Variants in C1orf74 observed in about 807,000 individuals in gnomAD.
C1orf74 encodes chromosome 1 open reading frame 74.
A neutral mutation model predicts 7.3 loss-of-function variants in C1orf74; 5 were observed. The observed-to-expected ratio is 0.68, with a 90% CI of 0.36 to 1.44. The LOEUF is 1.44. Among genes scored for constraint, C1orf74 ranks in the 40% most tolerant of loss-of-function variants. C1orf74 has a pLI of 0.04. For synonymous variants in C1orf74, 121 were observed against 132.5 expected (o/e 0.91, Z 0.59); for missense variants, 291 against 314.3 (o/e 0.93, Z 0.56).
intron 1 of C1orf74, 100 bp from the exon 2 acceptor site, chr1:209,783,809 C>A (rs1207252338): frequency 6.9e-6 from 4 of 576,368 alleles, no homozygotes; most frequent in Non-Finnish European, 6.2e-6. Context: ...GAAATGGCGA[C>A]CCAGCCCAGA....
chr1:209,782,884 C>CATTCTGAGTCCTAAATCGG lies in C1orf74; in HGVS notation c.732_750dup (p.Asp251ProfsTer3), dbSNP rs2077805878. The CATTCTGAGTCCTAAATCGG allele has an allele frequency of 2.5e-6, 4 of 1,614,118 alleles. No homozygotes were observed. The highest frequency in any genetic ancestry group is 3.4e-6 in the Non-Finnish European group (4 of 1,180,016). On this transcript the variant is annotated stop_gained and frameshift_variant, in exon 2 of 2. Coordinates refer to ENST00000294811, the MANE Select transcript of C1orf74 (RefSeq NM_152485.4). LOFTEE classifies it high-confidence loss of function. The stretch of plus-strand genomic sequence containing the variant: ...GAGGAGATGCTGAGATCAGCAAAGT[C>CATTCTGAGTCCTAAATCGG]ATTCTGAGTCCTAAATCGGGTTCTG...
In C1orf74 at chr1:209,782,248, C is replaced by T. The variant is rs967093654; in HGVS notation, c.*577G>A. On this transcript the variant is annotated 3_prime_UTR_variant, in exon 2 of 2. Coordinates refer to ENST00000294811, the MANE Select transcript of C1orf74 (RefSeq NM_152485.4). ...ATTACAGCTTGGGTTTTCCAACTGACTTAGGATTTCTGACTTTTTATTAAT... is the reference window on the plus strand; with the variant it reads ...ATTACAGCTTGGGTTTTCCAACTGATTTAGGATTTCTGACTTTTTATTAAT... 1 of 875,748 alleles carries T rather than the reference C, an allele frequency of 1.1e-6. No homozygotes were observed. Among genetic ancestry groups the T allele is most frequent in the Non-Finnish European group, 1.9e-6 (1 of 526,968 alleles). The allele number at this position is 875,748 out of a possible 1,614,324, so 54.2% of individuals were successfully genotyped here.
rs140853587 is a variant in C1orf74 at position 209,783,411 on chromosome 1, C to G, written c.224G>C (p.Gly75Ala). The G allele has an allele frequency of 4.8e-5, 77 of 1,614,026 alleles. No homozygotes were observed. The highest frequency in any genetic ancestry group is 5.9e-5 in the Non-Finnish European group (70 of 1,180,020). Residue 75 changes from glycine to alanine, a missense_variant, in exon 2 of 2, where the codon GGG becomes GCG. Physicochemically the swap from Gly to Ala is moderately conservative, Grantham distance 60. Transcript: ENST00000294811. ...ELQSYLEELK[G>A]LGFLTFGLHI... ...AAGTCCAAAAGTCAGGAAGCCAAGC[C>G]CCTTCAGCTCCTCCAGATAGCTCTG...
In C1orf74 at chr1:209,779,591, G is replaced by A. The variant is rs2077734078; in HGVS notation, c.*3234C>T. On this transcript the variant is annotated 3_prime_UTR_variant, in exon 2 of 2. Transcript: ENST00000294811. Reference sequence around the variant, plus strand: ...TGAGGTATATAAACTGTGAAAAAGGGTTTCTATTCTCTCTGAAAGCACATG... The same window carrying A: ...TGAGGTATATAAACTGTGAAAAAGGATTTCTATTCTCTCTGAAAGCACATG... 1.5e-6 allele frequency: 1 copy of A among 666,862 alleles called. No homozygotes were observed. The highest frequency in any genetic ancestry group is 2.8e-6 in the Non-Finnish European group (1 of 363,434). 41.3% of individuals were successfully genotyped at this position (666,862 alleles called of 1,614,324 possible). A position where few individuals can be genotyped will look rare whatever the true frequency, so the allele number is the denominator to read the frequency against.
rs747517010 is a variant in C1orf74, at chr1:209,782,889, T to A, written c.746A>T (p.Gln249Leu). ...GATGCTGAGATCAGCAAAGTCATTC[T>A]GAGTCCTAAATCGGGTTCTGAGGTC... ...EKDLRTRFRT[Q>L]NDFADLSISS... The change falls in exon 2 of 2, where the codon CAG becomes CTG. Residue 249 changes from glutamine to leucine, a missense_variant. Transcript: ENST00000294811. The A allele has an allele frequency of 2.5e-6, 4 of 1,614,218 alleles. No homozygotes were observed. Among genetic ancestry groups the A allele is most frequent in the African/African-American group, 2.7e-5 (2 of 75,064 alleles).
rs920494547 is a variant in C1orf74, at chr1:209,780,714, C to G, written c.*2111G>C. Reference sequence around the variant, plus strand: ...AAAGTTTAAGTTGTGAGTGGATAACCACAGACATTCATTTGCCTACATAAA... The same window carrying G: ...AAAGTTTAAGTTGTGAGTGGATAACGACAGACATTCATTTGCCTACATAAA... On this transcript the variant is annotated 3_prime_UTR_variant, in exon 2 of 2. Transcript: ENST00000294811. 42 of 1,058,244 alleles carry G rather than the reference C, an allele frequency of 4.0e-5. No individual in the cohort carries two copies. Among genetic ancestry groups the G allele is most frequent in the Middle Eastern group, 2.9e-4 (1 of 3,442 alleles). The allele number at this position is 1,058,244 out of a possible 1,614,324, so 65.6% of individuals were successfully genotyped here.
In C1orf74 at chr1:209,779,950, A is replaced by G. The variant is rs1339491512; in HGVS notation, c.*2875T>C. On this transcript the variant is annotated 3_prime_UTR_variant, in exon 2 of 2. Transcript: ENST00000294811. ...AAGTCTATGGTGACACAAACTAACA[A>G]CACAGCTATAACAACAATCCAAAAC... The G allele has an allele frequency of 6.0e-6, 1 of 165,364 alleles. No homozygotes were observed. Among genetic ancestry groups the G allele is most frequent in the Non-Finnish European group, 1.3e-5 (1 of 76,364 alleles). The allele number at this position is 165,364 out of a possible 1,614,324, so 10.2% of individuals were successfully genotyped here.
chr1:209,779,353 G>C lies in C1orf74; in HGVS notation c.*3472C>G. On this transcript the variant is annotated 3_prime_UTR_variant, in exon 2 of 2. Coordinates refer to ENST00000294811, the MANE Select transcript of C1orf74 (RefSeq NM_152485.4). ...TCAATCCTTACAGCTTCAAGAACAG[G>C]AGAAACTCTTAACAAAGAAAGGTCA... 6.2e-7 allele frequency: 1 copy of C among 1,614,140 alleles called. No individual in the cohort carries two copies. Among genetic ancestry groups the C allele is most frequent in the Non-Finnish European group, 8.5e-7 (1 of 1,179,986 alleles).
chr1:209,782,010 C>A lies in C1orf74; in HGVS notation c.*815G>T. On this transcript the variant is annotated 3_prime_UTR_variant, in exon 2 of 2. Transcript: ENST00000294811. The stretch of plus-strand genomic sequence containing the variant: ...GAAAGATTTTTGCCTATATCTTTTC[C>A]AATCCACTCATGGCCACTTTCTTCT... 1 of 1,498,930 alleles carries A rather than the reference C, an allele frequency of 6.7e-7. No homozygotes were observed. The highest frequency in any genetic ancestry group is 9.3e-7 in the Non-Finnish European group (1 of 1,075,208). 92.9% of individuals were successfully genotyped at this position (1,498,930 alleles called of 1,614,324 possible).
rs906777466 is a variant in C1orf74, at chr1:209,781,588, A to C, written c.*1237T>G. 6.4e-6 allele frequency: 4 copies of C among 622,898 alleles called. No homozygotes were observed. The Admixed American group carries it at 8.5e-5, about 13-fold the overall frequency. The allele number at this position is 622,898 out of a possible 1,614,324, so 38.6% of individuals were successfully genotyped here. A position where few individuals can be genotyped will look rare whatever the true frequency, so the allele number is the denominator to read the frequency against. On this transcript the variant is annotated 3_prime_UTR_variant, in exon 2 of 2. Transcript: ENST00000294811. ...TCCTGTCCCACTGTGCTTGGTTTAT[A>C]CTATACTGACATTATGGCAACCATT...
Position 209,782,042 on chromosome 1 carries a change from C to T in C1orf74, c.*783G>A. ...CTCATGGCCACTTTCTTCTGTCTCC[C>T]TGTCCCCCTACAGAGGCAATGTGGG... On this transcript the variant is annotated 3_prime_UTR_variant, in exon 2 of 2. Transcript: ENST00000294811. 6.2e-7 allele frequency: 1 copy of T among 1,609,086 alleles called. No homozygotes were observed. Among genetic ancestry groups the T allele is most frequent in the Non-Finnish European group, 8.5e-7 (1 of 1,175,456 alleles).
rs2102518425 is a variant in C1orf74, at chr1:209,779,473, G to C, written c.*3352C>G. On this transcript the variant is annotated 3_prime_UTR_variant, in exon 2 of 2. Coordinates refer to ENST00000294811, the MANE Select transcript of C1orf74 (RefSeq NM_152485.4). ...ACATGACCTCCTGGAGTCCCAGCCA[G>C]TTCTGGGAGTCTGTTAAGTCCGGGA... is the stretch of plus-strand genomic sequence containing the variant. 2.0e-6 allele frequency: 2 copies of C among 1,013,326 alleles called. No homozygotes were observed. Among genetic ancestry groups the C allele is most frequent in the Non-Finnish European group, 3.1e-6 (2 of 642,138 alleles). 62.8% of individuals were successfully genotyped at this position (1,013,326 alleles called of 1,614,324 possible). A position where few individuals can be genotyped will look rare whatever the true frequency, so the allele number is the denominator to read the frequency against.
Position 209,781,642 on chromosome 1 carries a change from C to A in C1orf74, c.*1183G>T. On this transcript the variant is annotated 3_prime_UTR_variant, in exon 2 of 2. Coordinates refer to ENST00000294811, the MANE Select transcript of C1orf74 (RefSeq NM_152485.4). ...AAAAACACTGGCTCGTCCATCAAAG[C>A]CCAACTTTCACAGAACTCTCAATGC... The A allele has an allele frequency of 1.9e-6, 1 of 518,970 alleles. No homozygotes were observed. Among genetic ancestry groups the A allele is most frequent in the Non-Finnish European group, 3.5e-6 (1 of 289,046 alleles). 32.1% of individuals were successfully genotyped at this position (518,970 alleles called of 1,614,324 possible). A position where few individuals can be genotyped will look rare whatever the true frequency, so the allele number is the denominator to read the frequency against.
Position 209,780,524 on chromosome 1 carries a change from A to G in C1orf74, c.*2301T>C. 6.2e-7 allele frequency: 1 copy of G among 1,603,580 alleles called. No individual in the cohort carries two copies. Among genetic ancestry groups the G allele is most frequent in the South Asian group, 1.1e-5 (1 of 89,772 alleles). ...TCCTTCCCTAACGAAGTGGAGCCTG[A>G]GGGTACAGGGAAGGAGAAAGACTGG... On this transcript the variant is annotated 3_prime_UTR_variant, in exon 2 of 2. Transcript: ENST00000294811.
chr1:209,782,882 G>A lies in C1orf74; in HGVS notation c.753C>T (p.Asp251=). ...DLRTRFRTQN[D]FADLSISSEI... ...CAGAGGAGATGCTGAGATCAGCAAA[G>A]TCATTCTGAGTCCTAAATCGGGTTC... Residue 251 remains aspartate (D), a synonymous_variant, in exon 2 of 2, where the codon GAC becomes GAT. Transcript: ENST00000294811. 6.2e-7 allele frequency: 1 copy of A among 1,614,162 alleles called. No homozygotes were observed. Among genetic ancestry groups the A allele is most frequent in the Non-Finnish European group, 8.5e-7 (1 of 1,180,020 alleles).
chr1:209,783,218 C>A lies in C1orf74; in HGVS notation c.417G>T (p.Val139=), dbSNP rs142724509. 4.2e-5 allele frequency: 68 copies of A among 1,614,080 alleles called. No individual in the cohort carries two copies. In the African/African-American group the frequency reaches 8.1e-4, roughly 19 times the overall value. The change falls in exon 2 of 2, where the codon GTG becomes GTT. Residue 139 remains valine, a synonymous_variant. Transcript: ENST00000294811. The part of the protein sequence containing the change: ...LDQLQDLKAL[V]AEIITHLQGL... Reference sequence around the variant, plus strand: ...CCTGCAAATGTGTGATGATCTCAGCCACGAGGGCCTTCAAGTCCTGAAGCT... The same window carrying A: ...CCTGCAAATGTGTGATGATCTCAGCAACGAGGGCCTTCAAGTCCTGAAGCT...
rs2102528407 is a variant in C1orf74 at position 209,782,533 on chromosome 1, G to A, written c.*292C>T. ...TGTTTGGCTTGTCTTCCATCACCCTGCTTTTCCTCTATCATCTCCTTCCTT... is the reference window on the plus strand; with the variant it reads ...TGTTTGGCTTGTCTTCCATCACCCTACTTTTCCTCTATCATCTCCTTCCTT... On this transcript the variant is annotated 3_prime_UTR_variant, in exon 2 of 2. Coordinates refer to ENST00000294811, the MANE Select transcript of C1orf74 (RefSeq NM_152485.4). 4.1e-6 allele frequency: 2 copies of A among 491,928 alleles called. No homozygotes were observed. Among genetic ancestry groups the A allele is most frequent in the South Asian group, 4.8e-5 (2 of 41,928 alleles). The allele number at this position is 491,928 out of a possible 1,614,324, so 30.5% of individuals were successfully genotyped here.
Position 209,779,502 on chromosome 1 carries a change from G to T in C1orf74, c.*3323C>A. 1 of 801,124 alleles carries T rather than the reference G, an allele frequency of 1.2e-6. No individual in the cohort carries two copies. Among genetic ancestry groups the T allele is most frequent in the Non-Finnish European group, 2.2e-6 (1 of 457,068 alleles). The allele number at this position is 801,124 out of a possible 1,614,324, so 49.6% of individuals were successfully genotyped here. On this transcript the variant is annotated 3_prime_UTR_variant, in exon 2 of 2. Transcript: ENST00000294811. ...TGGGAGTCTGTTAAGTCCGGGATGTGTGGGAGCTTTTTAAGGACTGATCAT... is the reference window on the plus strand; with the variant it reads ...TGGGAGTCTGTTAAGTCCGGGATGTTTGGGAGCTTTTTAAGGACTGATCAT...
chr1:209,783,726 A>C lies in C1orf74; in HGVS notation c.-75-17T>G. On this transcript the variant is annotated splice_polypyrimidine_tract_variant and intron_variant, in intron 1 of 1. Transcript: ENST00000294811. ...AGGAGGGGCCTAGAAACAAAGCAGGAGCAGGGAATTATTAACAGCCTTCCT... is the reference window on the plus strand; with the variant it reads ...AGGAGGGGCCTAGAAACAAAGCAGGCGCAGGGAATTATTAACAGCCTTCCT... 1 of 1,059,580 alleles carries C rather than the reference A, an allele frequency of 9.4e-7. No individual in the cohort carries two copies. The highest frequency in any genetic ancestry group is 1.4e-6 in the Non-Finnish European group (1 of 725,840). The allele number at this position is 1,059,580 out of a possible 1,614,324, so 65.6% of individuals were successfully genotyped here. A position where few individuals can be genotyped will look rare whatever the true frequency, so the allele number is the denominator to read the frequency against.
Sources: gnomAD v4.1 joint callset for allele counts on GRCh38, gnomAD v4.1.1 for gene constraint, MANE v1.5 for transcripts, NCBI Gene and HGNC (gene_info 2026-07-23, HGNC 2026-07-21) for gene names.